The following SAMD3 variants were observed in gnomAD, a reference collection of about 807,000 sequenced individuals.
SAMD3 encodes the protein sterile alpha motif domain containing 3, also known as sterile alpha motif domain-containing protein 3.
A neutral mutation model predicts 58.5 loss-of-function variants in SAMD3; 63 were observed. That is an observed-to-expected ratio of 1.08 (90% CI 0.88 to 1.33). SAMD3 has a LOEUF of 1.33. Ranked by LOEUF, SAMD3 falls within the 40% of genes most tolerant of loss-of-function variation. The probability of loss-of-function intolerance (pLI) is 0.00; values close to 1 mark genes in which losing one functional copy is unlikely to be tolerated. For synonymous variants in SAMD3, 220 were observed against 210.3 expected, an observed-to-expected ratio of 1.05 and a Z score of -0.40; for missense variants, 604 against 608.4, an observed-to-expected ratio of 0.99 and a Z score of 0.08.
At chr6:130,211,516 TCA>T (rs1795559553) in intron 4 of SAMD3, among the ~76,000 whole-genome samples, 1 of 151,988 alleles carries the variant, frequency 6.6e-6, no homozygotes, top group Non-Finnish European at 1.5e-5. Flanking sequence ...ACTCCTGACC[TCA>T]AGTGATCTGC....
chr6:130,198,960 G>A lies in SAMD3; in HGVS notation c.383+10535C>T, dbSNP rs928379742. Among the ~76,000 whole-genome samples the A allele has an allele frequency of 5.9e-5, 9 of 152,130 alleles. No homozygotes were observed. The South Asian group carries it at 8.3e-4, about 14-fold the overall frequency. On this transcript the variant is annotated intron_variant, in intron 5 of 11. Transcript: ENST00000439090. ...AATCATCCCTGTTTTCCCAAATTTC[G>A]GGGCACAAATTGTACCTTTCTCCAA...
At chr6:130,259,306 G>C (rs918127711) in intron 2 of SAMD3, among the ~76,000 whole-genome samples, 7 of 151,984 alleles carry the variant, frequency 4.6e-5, no homozygotes, top group African/African-American at 1.7e-4. Context: ...AGGGCCTGAG[G>C]CTCCTTCCAC....
intron 2 of SAMD3, among the ~76,000 whole-genome samples, chr6:130,300,611 C>G (rs144357866): frequency 6.6e-6 from 1 of 152,220 alleles, no homozygotes; most frequent in East Asian, 1.9e-4. Context: ...CAACATAGTA[C>G]TGAAAGTTCT....
chr6:130,250,991 T>C (rs1169208089), intron 2 of SAMD3, among the ~76,000 whole-genome samples: 1 of 152,230 alleles, frequency 6.6e-6, no homozygotes, highest in Non-Finnish European at 1.5e-5. Context: ...GATAACCCTG[T>C]TTCATCTTTT....
intron 7 of SAMD3, among the ~76,000 whole-genome samples, chr6:130,177,896 G>T (rs1214933018): frequency 6.6e-6 from 1 of 152,116 alleles, no homozygotes; most frequent in Non-Finnish European, 1.5e-5. Context: ...GCAGGTGTCA[G>T]CATGACAGAC....
rs1777398264 is a variant in SAMD3, at chr6:130,344,929, C to A, written c.-304+20191G>T. On this transcript the variant is annotated intron_variant, in intron 1 of 13. Coordinates refer to the SAMD3 transcript ENST00000368134. The stretch of plus-strand genomic sequence containing the variant: ...GTTTCAGGACACCTGCCCCCCTATG[C>A]CCACCCCCCTCCATCTCCTCTACCA... 6.7e-5 allele frequency among the ~76,000 whole-genome samples: 10 copies of A among 148,816 alleles called. No individual in the cohort carries two copies. The South Asian group carries it at 2.2e-3, about 32-fold the overall frequency.
intron 7 of SAMD3, among the ~76,000 whole-genome samples, chr6:130,178,385 A>C (rs561499993): frequency 2.2e-4 from 34 of 151,976 alleles, no homozygotes; most frequent in African/African-American, 8.0e-4. Context: ...GGGAAGGGAA[A>C]AAAAAAAAAA....
chr6:130,326,784 G>A (rs1776774774), intron 1 of SAMD3, among the ~76,000 whole-genome samples: 1 of 152,118 alleles, frequency 6.6e-6, no homozygotes, highest in Admixed American at 6.5e-5. Context: ...TTCTGGGCAT[G>A]GGTACTAGTC....
chr6:130,160,319 T>C (rs1397730686), intron 8 of SAMD3: 1 of 152,158 alleles, frequency 6.6e-6, no homozygotes, highest in African/African-American at 2.4e-5. Flanking sequence ...TACACTCAAC[T>C]GAACAACCTG....
At chr6:130,315,239 T>G (rs759437362) in intron 1 of SAMD3, among the ~76,000 whole-genome samples, 1 of 152,138 alleles carries the variant, frequency 6.6e-6, no homozygotes, top group Non-Finnish European at 1.5e-5. Flanking sequence ...AAAAATATCA[T>G]GTAAATATAT....
At chr6:130,194,771 TCTGA>T (rs749207786) in intron 5 of SAMD3, among the ~76,000 whole-genome samples, 5 of 152,232 alleles carry the variant, frequency 3.3e-5, no homozygotes, top group African/African-American at 9.6e-5. Context: ...CCCAAGGCTC[TCTGA>T]CTGAGTCCTT....
chr6:130,151,528 G>A (rs371565882), intron 9 of SAMD3, among the ~76,000 whole-genome samples: 3 of 151,976 alleles, frequency 2.0e-5, no homozygotes, highest in African/African-American at 4.8e-5. Context: ...CGCACCCTCC[G>A]TCTCCCAGGT....
intron 1 of SAMD3, among the ~76,000 whole-genome samples, chr6:130,315,277 G>T (rs1303092685): frequency 6.6e-6 from 1 of 152,044 alleles, no homozygotes; most frequent in Non-Finnish European, 1.5e-5. Context: ...ATATATAAAA[G>T]AAGTCAAATG....
At chr6:130,357,406 G>C (rs967137690) in intron 1 of SAMD3, among the ~76,000 whole-genome samples, 1 of 152,036 alleles carries the variant, frequency 6.6e-6, no homozygotes, top group African/African-American at 2.4e-5. Flanking sequence ...TTACAGGCGT[G>C]AGCCACCACA....
chr6:130,217,221 T>TC (rs1796050971), intron 1 of SAMD3, among the ~76,000 whole-genome samples: 1 of 152,208 alleles, frequency 6.6e-6, no homozygotes, highest in South Asian at 2.1e-4. Context: ...CTTTGAGTAG[T>TC]AACTTTACAA....
At chr6:130,354,991 G>T (rs1408683140) in intron 1 of SAMD3, among the ~76,000 whole-genome samples, 1 of 152,174 alleles carries the variant, frequency 6.6e-6, no homozygotes, top group East Asian at 1.9e-4. Context: ...TATTAAAAAT[G>T]CAGAAAAAGT....
chr6:130,200,203 A>G (rs1020855246), intron 5 of SAMD3, among the ~76,000 whole-genome samples: 3 of 152,092 alleles, frequency 2.0e-5, no homozygotes, highest in Non-Finnish European at 4.4e-5. Context: ...ATCTACTACC[A>G]TGACATGCAC....
intron 8 of SAMD3, among the ~76,000 whole-genome samples, chr6:130,158,374 C>G (rs1789982192): frequency 6.6e-6 from 1 of 151,960 alleles, no homozygotes; most frequent in African/African-American, 2.4e-5. Context: ...TAGCGGAAAA[C>G]AGCAGAGCTT....
At chr6:130,171,032 G>A (rs552973227) in intron 8 of SAMD3, among the ~76,000 whole-genome samples, 127 of 152,266 alleles carry the variant, frequency 8.3e-4, no homozygotes, top group Non-Finnish European at 1.6e-3. Context: ...TTTTCAAAGG[G>A]AATGCTTCCA....
Sources: gnomAD v4.1 joint callset for allele counts (sites outside exome capture counted in the v4.1 genomes callset) on GRCh38, gnomAD v4.1.1 for gene constraint, MANE v1.5 for transcripts, NCBI Gene and HGNC (gene_info 2026-07-23, HGNC 2026-07-21) for gene names.